Variants in ATRNL1 observed in about 807,000 individuals in gnomAD.
ATRNL1 encodes the protein attractin-like protein 1.
Under a neutral mutation model 182.7 loss-of-function variants are expected in ATRNL1, and 95 were observed. The observed-to-expected ratio is 0.52, with a 90% confidence interval of 0.44 to 0.62. The LOEUF is 0.62. Among genes scored for constraint, ATRNL1 ranks in the 20% least tolerant of loss-of-function variants. The probability of loss-of-function intolerance (pLI) is 0.00; values close to 1 mark genes in which losing one functional copy is unlikely to be tolerated. For synonymous variants in ATRNL1, 576 were observed against 568.3 expected (o/e 1.01, Z -0.19); for missense variants, 1,471 against 1,679.5 (o/e 0.88, Z 2.17).
intron 24 of ATRNL1, among the ~76,000 whole-genome samples, chr10:115,473,856 G>T (rs78014001): frequency 2.0e-4 from 30 of 151,066 alleles, no homozygotes; most frequent in African/African-American, 7.3e-4. Flanking sequence ...TAATTTGTTG[G>T]CATACAATTC....
In ATRNL1 at chr10:115,868,822, C is replaced by CTTTTTTTTTTTGTTTTTTTT. The variant is rs1951501666; in HGVS notation, c.4018+20842_4018+20843insGTTTTTTTTTTTTTTTTTTT. 3.4e-5 allele frequency among the ~76,000 whole-genome samples: 2 copies of CTTTTTTTTTTTGTTTTTTTT among 58,084 alleles called. 1 individual carries two copies. Among genetic ancestry groups the CTTTTTTTTTTTGTTTTTTTT allele is most frequent in the Non-Finnish European group, 6.3e-5 (2 of 31,540 alleles). The allele number at this position is 58,084 out of a possible 152,430, so 38.1% of individuals were successfully genotyped here. ...ATATATCTGGTGGCAAGTCTTTATTCTTTTTTTTTTTTTTTTTTTTTTTTT... is the reference window on the plus strand; with the variant it reads ...ATATATCTGGTGGCAAGTCTTTATTCTTTTTTTTTTTGTTTTTTTTTTTTTTTTTTTTTTTTTTTTTTTTT... On this transcript the variant is annotated intron_variant, in intron 28 of 28. Transcript: ENST00000355044.
chr10:115,224,491 G>A (rs547638689), intron 9 of ATRNL1, among the ~76,000 whole-genome samples: 11 of 152,156 alleles, frequency 7.2e-5, no homozygotes, highest in African/African-American at 2.4e-4. Context: ...CATGAGATAA[G>A]AGCATGAATT....
intron 1 of ATRNL1, among the ~76,000 whole-genome samples, chr10:115,110,561 A>C (rs782489713): frequency 6.6e-6 from 1 of 152,174 alleles, no homozygotes; most frequent in Non-Finnish European, 1.5e-5. Context: ...AGCCTAGCTC[A>C]ACTAATACCC....
intron 21 of ATRNL1, among the ~76,000 whole-genome samples, chr10:115,458,314 G>A (rs1473662855): frequency 6.6e-6 from 1 of 152,052 alleles, no homozygotes; most frequent in East Asian, 1.9e-4. Context: ...GTTGGTTTCT[G>A]GAGTACTTTC....
At chr10:115,529,421 G>A (rs1393129042) in intron 25 of ATRNL1, among the ~76,000 whole-genome samples, 1 of 151,344 alleles carries the variant, frequency 6.6e-6, no homozygotes, top group African/African-American at 2.4e-5. Context: ...TTAATAATCT[G>A]GGAATCTCTT....
At chr10:115,581,332 C>G (rs911178082) in intron 26 of ATRNL1, among the ~76,000 whole-genome samples, 3 of 152,000 alleles carry the variant, frequency 2.0e-5, no homozygotes, top group Non-Finnish European at 2.9e-5. Context: ...TGAGATGCAT[C>G]TGGAAAATTT....
intron 28 of ATRNL1, among the ~76,000 whole-genome samples, chr10:115,923,495 G>A (rs1953128991): frequency 6.6e-6 from 1 of 152,102 alleles, no homozygotes; most frequent in South Asian, 2.1e-4. Context: ...ACTTATGGGT[G>A]GGAACATGTG....
At chr10:115,841,507 A>G (rs1555097129) in intron 27 of ATRNL1, among the ~76,000 whole-genome samples, 1 of 152,096 alleles carries the variant, frequency 6.6e-6, no homozygotes. Flanking sequence ...CGGTTGGAAT[A>G]CCTTCAGAAC....
At chr10:115,562,691 C>T (rs1229108692) in intron 26 of ATRNL1, among the ~76,000 whole-genome samples, 2 of 152,124 alleles carry the variant, frequency 1.3e-5, no homozygotes, top group African/African-American at 4.8e-5. Flanking sequence ...CTTCACTGGG[C>T]ACTCATTCTC....
intron 28 of ATRNL1, among the ~76,000 whole-genome samples, chr10:115,864,274 A>G (rs1336253068): frequency 1.3e-5 from 2 of 151,654 alleles, no homozygotes; most frequent in Non-Finnish European, 2.9e-5. Context: ...GTCACAAGAA[A>G]AAAAAAAAAA....
At position 115,371,908 on chromosome 10, in the gene ATRNL1, G is replaced by A. The variant is rs542826183; in HGVS notation, c.3176-22751G>A. On this transcript the variant is annotated intron_variant, in intron 19 of 28. Transcript: ENST00000355044. The stretch of plus-strand genomic sequence containing the variant: ...CCATGTGTTGTGGAAAGGACCTGGT[G>A]GGAGATAGTGGAATCATGGGGACAG... 5.3e-5 allele frequency among the ~76,000 whole-genome samples: 8 copies of A among 152,220 alleles called. No individual in the cohort carries two copies. In the East Asian group the frequency reaches 1.6e-3, roughly 30 times the overall value.
intron 15 of ATRNL1, among the ~76,000 whole-genome samples, chr10:115,293,397 G>A (rs1440375063): frequency 1.3e-5 from 2 of 151,874 alleles, no homozygotes; most frequent in African/African-American, 2.4e-5. Flanking sequence ...TTTATTGGTT[G>A]TTTTCTGGTT....
chr10:115,874,431 T>C (rs1055019463), intron 28 of ATRNL1, among the ~76,000 whole-genome samples: 9 of 152,208 alleles, frequency 5.9e-5, no homozygotes, highest in Admixed American at 2.0e-4. Flanking sequence ...TTATAAAATA[T>C]TGTTTTTCTT....
At chr10:115,189,420 T>C (rs1226194163) in intron 8 of ATRNL1, among the ~76,000 whole-genome samples, 1 of 152,076 alleles carries the variant, frequency 6.6e-6, no homozygotes, top group East Asian at 1.9e-4. Flanking sequence ...AGATGAGAGC[T>C]CCATGCATAT....
At chr10:115,431,477 G>C (rs1286834005) in intron 21 of ATRNL1, among the ~76,000 whole-genome samples, 1 of 151,814 alleles carries the variant, frequency 6.6e-6, no homozygotes, top group Non-Finnish European at 1.5e-5. Flanking sequence ...GAATACTTCG[G>C]TAAAAACAAA....
intron 8 of ATRNL1, among the ~76,000 whole-genome samples, chr10:115,190,486 T>G (rs1017715161): frequency 5.9e-5 from 9 of 152,100 alleles, no homozygotes; most frequent in Non-Finnish European, 8.8e-5. Flanking sequence ...AGGCAGCCAT[T>G]CTATTACTTT....
In ATRNL1 at chr10:115,165,551, C is replaced by A. The variant is rs1554884165; in HGVS notation, c.1005-7C>A. On this transcript the variant is annotated splice_region_variant and splice_polypyrimidine_tract_variant and intron_variant, in intron 6 of 28. Coordinates refer to ENST00000355044, the MANE Select transcript of ATRNL1 (RefSeq NM_207303.4). ...CTTATGAAGTTATTTTCTTTTCTTG[C>A]TTTTAGTTACAATTTAGAAAGCAGT... 6.9e-7 allele frequency: 1 copy of A among 1,441,398 alleles called. No homozygotes were observed. The highest frequency in any genetic ancestry group is 9.3e-7 in the Non-Finnish European group (1 of 1,076,116). The allele number at this position is 1,441,398 out of a possible 1,614,324, so 89.3% of individuals were successfully genotyped here. A position where few individuals can be genotyped will look rare whatever the true frequency, so the allele number is the denominator to read the frequency against.
chr10:115,862,995 GA>G (rs1951350014), intron 28 of ATRNL1, among the ~76,000 whole-genome samples: 1 of 152,082 alleles, frequency 6.6e-6, no homozygotes, highest in South Asian at 2.1e-4. Context: ...GGACTATAAG[GA>G]AATCTACAAA....
chr10:115,256,453 A>C (rs960184765), intron 10 of ATRNL1, among the ~76,000 whole-genome samples: 8 of 152,086 alleles, frequency 5.3e-5, no homozygotes, highest in African/African-American at 1.7e-4. Flanking sequence ...CTCTGATGGT[A>C]GTTTGTATTT....
Sources: gnomAD v4.1 joint callset for allele counts (sites outside exome capture counted in the v4.1 genomes callset) on GRCh38, gnomAD v4.1.1 for gene constraint, MANE v1.5 for transcripts, NCBI Gene and HGNC (gene_info 2026-07-23, HGNC 2026-07-21) for gene names.